PAFAH1B1: variants seen among roughly 807,000 people sequenced by gnomAD.
PAFAH1B1 encodes the protein platelet activating factor acetylhydrolase 1b regulatory subunit 1, also known as platelet-activating factor acetylhydrolase IB subunit beta.
PAFAH1B1 carries 2 observed loss-of-function variants against 57.5 expected under a neutral mutation model. The observed-to-expected ratio is 0.03, with a 90% CI of 0.01 to 0.11. PAFAH1B1 has a LOEUF of 0.11. PAFAH1B1 is among the 10% of genes least tolerant of loss of function. The pLI, the probability that PAFAH1B1 is intolerant of heterozygous loss-of-function variation, is 1.00. For synonymous variants in PAFAH1B1, 152 were observed against 169.6 expected, an observed-to-expected ratio of 0.90 and a Z score of 0.81; for missense variants, 257 against 512.0, an observed-to-expected ratio of 0.50 and a Z score of 4.81.
intron 6 of PAFAH1B1, among the ~76,000 whole-genome samples, chr17:2,671,792 A>G (rs2151665440): frequency 6.6e-6 from 1 of 151,770 alleles, no homozygotes; most frequent in Non-Finnish European, 1.5e-5. Flanking sequence ...TAGTAGAAAC[A>G]GGGTTTAACC....
At chr17:2,654,273 C>T (rs1002721239) in intron 2 of PAFAH1B1, among the ~76,000 whole-genome samples, 11 of 151,252 alleles carry the variant, frequency 7.3e-5, no homozygotes, top group African/African-American at 2.2e-4. Flanking sequence ...CACTGCAACC[C>T]CTGTCTCCCA....
intron 1 of PAFAH1B1, among the ~76,000 whole-genome samples, chr17:2,595,862 C>A (rs545867936): frequency 1.3e-5 from 2 of 152,146 alleles, no homozygotes; most frequent in African/African-American, 2.4e-5. Context: ...TACCTCCCCC[C>A]ACATCCTTTT....
In PAFAH1B1 at chr17:2,667,137, G is replaced by A; in HGVS notation, c.338G>A (p.Arg113Gln). Residue 113 changes from arginine (R) to glutamine (Q), a missense_variant, in exon 5 of 11, where the codon CGA (arginine) becomes CAA (glutamine). Physicochemically the swap from Arg to Gln is conservative, Grantham distance 43. Transcript: ENST00000397195. ...ALSGHRSPVT[R>Q]VIFHPVFSVM... ...AGTGGTCACAGGAGTCCAGTCACTCGAGTCATTTTCCATCCTGTGTTCAGT... is the reference window on the plus strand; with the variant it reads ...AGTGGTCACAGGAGTCCAGTCACTCAAGTCATTTTCCATCCTGTGTTCAGT... The A allele has an allele frequency of 3.1e-6, 5 of 1,613,806 alleles. No individual in the cohort carries two copies. Among genetic ancestry groups the A allele is most frequent in the Non-Finnish European group, 4.2e-6 (5 of 1,179,798 alleles).
chr17:2,623,629 C>T (rs1350714042), intron 1 of PAFAH1B1, among the ~76,000 whole-genome samples: 3 of 145,276 alleles, frequency 2.1e-5, no homozygotes, highest in African/African-American at 5.3e-5. Context: ...TCTACTTCCC[C>T]GTTTTTTTTT....
intron 2 of PAFAH1B1, among the ~76,000 whole-genome samples, chr17:2,664,675 T>G (rs1280414447): frequency 8.7e-6 from 1 of 114,858 alleles, no homozygotes; most frequent in South Asian, 3.0e-4. Context: ...GCTCTCTCTC[T>G]CTCTCTCTCT....
chr17:2,645,744 A>G (rs2068760030), intron 2 of PAFAH1B1, among the ~76,000 whole-genome samples: 1 of 151,274 alleles, frequency 6.6e-6, no homozygotes, highest in South Asian at 2.1e-4. Context: ...AGCTGGGACT[A>G]CAGGCGCATG....
chr17:2,642,188 T>C (rs2068703988), intron 2 of PAFAH1B1: 1 of 152,204 alleles, frequency 6.6e-6, no homozygotes. Flanking sequence ...TAGTGAGAAC[T>C]CTGACTCCCA....
chr17:2,641,669 T>C (rs150817202), intron 2 of PAFAH1B1: 1 of 152,176 alleles, frequency 6.6e-6, no homozygotes, highest in African/African-American at 2.4e-5. Flanking sequence ...TGTGTACCTA[T>C]CCTGCCTTAA....
chr17:2,678,837 A>G (rs758079466), intron 9 of PAFAH1B1, among the ~76,000 whole-genome samples: 2 of 152,170 alleles, frequency 1.3e-5, no homozygotes, highest in African/African-American at 2.4e-5. Flanking sequence ...GTGAGCCGTG[A>G]TCATGCCACT....
intron 1 of PAFAH1B1, among the ~76,000 whole-genome samples, chr17:2,626,164 C>G (rs979378236): frequency 6.6e-6 from 1 of 151,656 alleles, no homozygotes; most frequent in South Asian, 2.1e-4. Flanking sequence ...TGAGGCAAAA[C>G]AATCGCTTGA....
Position 2,666,943 on chromosome 17 carries a change from C to T in PAFAH1B1, c.193-49C>T, listed in dbSNP as rs745387962. 7.1e-6 allele frequency: 10 copies of T among 1,407,776 alleles called. No individual in the cohort carries two copies. In the South Asian group the frequency reaches 9.3e-5, roughly 13 times the overall value. 87.2% of individuals were successfully genotyped at this position (1,407,776 alleles called of 1,614,324 possible). On this transcript the variant is annotated intron_variant, in intron 4 of 10. Coordinates refer to ENST00000397195, the MANE Select transcript of PAFAH1B1 (RefSeq NM_000430.4). ...AGGCAGTTTTTTAAAATGTCACATGCTATTTTTATTGAAATCTATCTGTAC... is the reference window on the plus strand; with the variant it reads ...AGGCAGTTTTTTAAAATGTCACATGTTATTTTTATTGAAATCTATCTGTAC...
At chr17:2,669,639 TC>T (rs2069153890) in intron 5 of PAFAH1B1, among the ~76,000 whole-genome samples, 1 of 152,216 alleles carries the variant, frequency 6.6e-6, no homozygotes, top group South Asian at 2.1e-4. Context: ...CTGAAATCTT[TC>T]CTTGGCCCTT....
At chr17:2,641,371 C>G (rs1453410480) in intron 2 of PAFAH1B1, 1 of 152,162 alleles carries the variant, frequency 6.6e-6, no homozygotes, top group Non-Finnish European at 1.5e-5. Context: ...GTTGGCCAGG[C>G]TGGTCTTGAA....
At chr17:2,667,234 T>C in intron 5 of PAFAH1B1, 36 bp downstream of exon 5, 1 of 1,514,592 alleles carries the variant, frequency 6.6e-7, no homozygotes, top group Middle Eastern at 1.7e-4. Flanking sequence ...AACGGGAGGC[T>C]GAAGCAGGAG....
At chr17:2,615,009 C>G (rs996294260) in intron 1 of PAFAH1B1, among the ~76,000 whole-genome samples, 1 of 151,472 alleles carries the variant, frequency 6.6e-6, no homozygotes, top group Non-Finnish European at 1.5e-5. Context: ...CGTCCATATC[C>G]ATGGGTTTTG....
At chr17:2,657,187 C>T (rs1298704059) in intron 2 of PAFAH1B1, among the ~76,000 whole-genome samples, 2 of 152,158 alleles carry the variant, frequency 1.3e-5, no homozygotes, top group Admixed American at 6.5e-5. Context: ...TGTTAATGAA[C>T]ATTCTTAATG....
At position 2,668,062 on chromosome 17, in the gene PAFAH1B1, C is replaced by G. The variant is rs920700781; in HGVS notation, c.399+864C>G. Among the ~76,000 whole-genome samples the G allele has an allele frequency of 2.6e-5, 4 of 152,058 alleles. No homozygotes were observed. In the East Asian group the frequency reaches 7.7e-4, roughly 29 times the overall value. ...CCAATCGGCCGGGCACGGTGGCTCACGCCTGTAATCCCAGCACTTTGGGAG... is the reference window on the plus strand; with the variant it reads ...CCAATCGGCCGGGCACGGTGGCTCAGGCCTGTAATCCCAGCACTTTGGGAG... On this transcript the variant is annotated intron_variant, in intron 5 of 10. Coordinates refer to ENST00000397195, the MANE Select transcript of PAFAH1B1 (RefSeq NM_000430.4).
chr17:2,665,915 A>C lies in PAFAH1B1; in HGVS notation c.118-101A>C, dbSNP rs2069101273. ...ATGCCCAGCCACTCCCTTTTTTTATAATCAGATTTTTAGTAATATTTGGAC... is the reference window on the plus strand; with the variant it reads ...ATGCCCAGCCACTCCCTTTTTTTATCATCAGATTTTTAGTAATATTTGGAC... On this transcript the variant is annotated intron_variant, in intron 3 of 10. Transcript: ENST00000397195. The C allele has an allele frequency of 2.5e-6, 3 of 1,203,512 alleles. No homozygotes were observed. The Admixed American group carries it at 8.4e-5, about 34-fold the overall frequency. 74.6% of individuals were successfully genotyped at this position (1,203,512 alleles called of 1,614,324 possible). A position where few individuals can be genotyped will look rare whatever the true frequency, so the allele number is the denominator to read the frequency against.
At chr17:2,600,580 A>AC (rs1278667820) in intron 1 of PAFAH1B1, among the ~76,000 whole-genome samples, 2 of 151,292 alleles carry the variant, frequency 1.3e-5, no homozygotes, top group African/African-American at 2.4e-5. Context: ...AAAAAAAAAA[A>AC]AAAAAACCAA....
Sources: gnomAD v4.1 joint callset for allele counts (sites outside exome capture counted in the v4.1 genomes callset) on GRCh38, gnomAD v4.1.1 for gene constraint, MANE v1.5 for transcripts, NCBI Gene and HGNC (gene_info 2026-07-23, HGNC 2026-07-21) for gene names.